Variants in PPP1R3F observed in about 807,000 individuals in gnomAD.
PPP1R3F encodes protein phosphatase 1 regulatory subunit 3F, also known as protein phosphatase 1, regulatory (inhibitor) subunit 3F.
Under a neutral mutation model 24.2 loss-of-function variants are expected in PPP1R3F, and 29 were observed. The observed-to-expected ratio is 1.20, with a 90% CI of 0.89 to 1.63. The LOEUF is 1.63. PPP1R3F is among the 40% of genes most tolerant of loss of function. PPP1R3F has a pLI of 0.00. For missense variants in PPP1R3F, 823 were observed against 729.3 expected, an observed-to-expected ratio of 1.13 and a Z score of -1.48; for synonymous variants, 363 against 340.1, an observed-to-expected ratio of 1.07 and a Z score of -0.74.
chrX:49,295,943 A>G (rs983427235), intron 3 of PPP1R3F, among the ~76,000 whole-genome samples: 6 of 110,992 alleles, frequency 5.4e-5, no homozygotes, highest in Non-Finnish European at 5.7e-5. Context: ...TATCACCCCA[A>G]TGATACATGA....
chrX:49,280,849 A>G (rs888235287), intron 1 of PPP1R3F: 5 of 112,236 alleles, frequency 4.5e-5, no homozygotes, highest in African/African-American at 1.6e-4. Context: ...GCCCAGCCGA[A>G]AAGATGGGTT....
chrX:49,293,666 GCATA>G (rs782319564), intron 3 of PPP1R3F, among the ~76,000 whole-genome samples: 89 of 112,043 alleles, frequency 7.9e-4, no homozygotes, highest in African/African-American at 2.7e-3. Flanking sequence ...TAGTATTTAG[GCATA>G]CATACACCTG....
At chrX:49,272,607 C>T (rs2066187445) in intron 1 of PPP1R3F, among the ~76,000 whole-genome samples, 2 of 112,977 alleles carry the variant, frequency 1.8e-5, no homozygotes, top group Admixed American at 1.9e-4. Flanking sequence ...TGTGGCCTTG[C>T]CTCCGTTTCC....
chrX:49,295,849 A>C (rs1294918715), intron 3 of PPP1R3F, among the ~76,000 whole-genome samples: 2 of 110,138 alleles, frequency 1.8e-5, no homozygotes, highest in Non-Finnish European at 1.9e-5. Flanking sequence ...GACATATCCC[A>C]TATACCCCTC....
chrX:49,281,445 T>G lies in PPP1R3F; in HGVS notation c.1044T>G (p.Asp348Glu). The change falls in exon 2 of 4, where the codon GAT becomes GAG. Residue 348 changes from aspartate (D) to glutamate (E), a missense_variant. By Grantham distance (45) the Asp-to-Glu change is conservative (BLOSUM62 2). Transcript: ENST00000055335. ...AACTGAAGACGAAGAACATGGATGATAACACCTTTGCCATGGGTAAGCAAT... is the reference window on the plus strand; with the variant it reads ...AACTGAAGACGAAGAACATGGATGAGAACACCTTTGCCATGGGTAAGCAAT... ...EEELKTKNMD[D>E]NTFAMAEHPD... is the part of the protein sequence containing the mutation. 1 of 1,208,304 alleles carries G rather than the reference T, an allele frequency of 8.3e-7. No homozygotes were observed. Among genetic ancestry groups the G allele is most frequent in the Non-Finnish European group, 1.1e-6 (1 of 892,699 alleles).
chrX:49,277,133 C>A (rs2066218645), intron 1 of PPP1R3F, among the ~76,000 whole-genome samples: 1 of 112,848 alleles, frequency 8.9e-6, no homozygotes, highest in Non-Finnish European at 1.9e-5. Context: ...CTCCACAGGG[C>A]TTGTCAGCCC....
At chrX:49,281,272 A>C in intron 1 of PPP1R3F, 134 bp from the exon 2 acceptor site, 3 of 399,209 alleles carry the variant, frequency 7.5e-6, no homozygotes, top group Non-Finnish European at 1.3e-5. Context: ...GGGATAAACA[A>C]AGGCAGCAGA....
chrX:49,282,158 G>T, intron 3 of PPP1R3F, 95 bp downstream of exon 3: 2 of 644,685 alleles, frequency 3.1e-6, no homozygotes, highest in Non-Finnish European at 4.9e-6. Flanking sequence ...ACTAGCTCTG[G>T]GTCCTCCCTG....
chrX:49,285,089 A>G (rs1223511609), intron 3 of PPP1R3F, among the ~76,000 whole-genome samples: 1 of 111,087 alleles, frequency 9.0e-6, no homozygotes, highest in African/African-American at 3.3e-5. Context: ...TAGTAAGTGT[A>G]TATATTTATG....
rs372362994 is a variant in PPP1R3F at position 49,286,855 on chromosome X, C to T, written c.2165C>T (p.Pro722Leu). Residue 722 changes from proline (P) to leucine (L), a missense_variant, in exon 4 of 4, where the codon CCT becomes CTT. Coordinates refer to ENST00000055335, the MANE Select transcript of PPP1R3F (RefSeq NM_033215.5). ...GTCTGTCTCTCTAGTGTAGCCAGGC[C>T]TCATGTGAGCTCCCAGGATGAAAAG... ...AEVCLSSVAR[P>L]HVSSQDEKDA... 20 of 1,190,387 alleles carry T rather than the reference C, an allele frequency of 1.7e-5. No individual in the cohort carries two copies. The highest frequency in any genetic ancestry group is 2.1e-5 in the Non-Finnish European group (19 of 884,783).
intron 3 of PPP1R3F, among the ~76,000 whole-genome samples, chrX:49,297,184 T>TA (rs2066324887): frequency 1.1e-5 from 1 of 89,699 alleles, no homozygotes; most frequent in Non-Finnish European, 2.2e-5. Context: ...ACTTGCTTTA[T>TA]TTTTATTTAT....
downstream of PPP1R3F, among the ~76,000 whole-genome samples, chrX:49,292,678 G>A (rs782053169): frequency 8.9e-6 from 1 of 112,837 alleles, no homozygotes; most frequent in Non-Finnish European, 1.9e-5. Context: ...AGGATCCCTC[G>A]AAAGAGGAGG....
At chrX:49,294,156 A>G (rs1043236423) in intron 3 of PPP1R3F, among the ~76,000 whole-genome samples, 6 of 109,972 alleles carry the variant, frequency 5.5e-5, no homozygotes, top group Non-Finnish European at 1.1e-4. Flanking sequence ...TGTAACCACC[A>G]CTGTAATTAG....
At chrX:49,275,420 C>T (rs1194473958) in intron 1 of PPP1R3F, 2 of 110,977 alleles carry the variant, frequency 1.8e-5, no homozygotes, top group Non-Finnish European at 3.8e-5. Flanking sequence ...CTCACCTTGT[C>T]GGGGACTGCA....
chrX:49,286,851 A>G lies in PPP1R3F; in HGVS notation c.2161A>G (p.Arg721Gly). ...CGAAGTCTGTCTCTCTAGTGTAGCC[A>G]GGCCTCATGTGAGCTCCCAGGATGA... Reference protein sequence around the residue: ...GAEVCLSSVARPHVSSQDEKD... With the variant: ...GAEVCLSSVAGPHVSSQDEKD... The change falls in exon 4 of 4, where the codon AGG becomes GGG. Residue 721 changes from arginine to glycine, a missense_variant. Physicochemically the swap from Arg to Gly is moderately radical, Grantham distance 125. Coordinates refer to ENST00000055335, the MANE Select transcript of PPP1R3F (RefSeq NM_033215.5). 2 of 1,193,905 alleles carry G rather than the reference A, an allele frequency of 1.7e-6. No individual in the cohort carries two copies. Among genetic ancestry groups the G allele is most frequent in the South Asian group, 3.7e-5 (2 of 53,935 alleles).
At chrX:49,284,066 A>T (rs1165816924) in intron 3 of PPP1R3F, among the ~76,000 whole-genome samples, 1 of 112,128 alleles carries the variant, frequency 8.9e-6, no homozygotes, top group Non-Finnish European at 1.9e-5. Context: ...CAATAAAAGG[A>T]TTTTTGGTTT....
chrX:49,282,168 G>A, intron 3 of PPP1R3F, 105 bp downstream of exon 3: 1 of 565,288 alleles, frequency 1.8e-6, no homozygotes, highest in Non-Finnish European at 2.8e-6. Context: ...GGTCCTCCCT[G>A]GGTTGGAGGG....
intron 3 of PPP1R3F, among the ~76,000 whole-genome samples, chrX:49,285,466 G>C (rs1446430286): frequency 8.9e-6 from 1 of 111,755 alleles, no homozygotes; most frequent in Non-Finnish European, 1.9e-5. Context: ...AAAGTGCTTG[G>C]ATTACAGGTG....
chrX:49,289,447 C>T (rs1262341422), downstream of PPP1R3F, among the ~76,000 whole-genome samples: 4 of 111,359 alleles, frequency 3.6e-5, no homozygotes, highest in African/African-American at 9.8e-5. Flanking sequence ...GTGGTATATT[C>T]GCAGAATGGA....
Sources: allele counts gnomAD v4.1 joint callset (sites outside exome capture counted in the v4.1 genomes callset), GRCh38; gene constraint gnomAD v4.1.1; transcripts MANE v1.5; gene names NCBI Gene and HGNC (gene_info 2026-07-23, HGNC 2026-07-21).